The following IQGAP2 variants were observed in gnomAD, a reference collection of about 807,000 sequenced individuals.
IQGAP2 encodes ras GTPase-activating-like protein IQGAP2.
A neutral mutation model predicts 201.3 loss-of-function variants in IQGAP2; 173 were observed. The ratio of observed to expected loss-of-function variants is 0.86; its 90% confidence interval spans 0.76 to 0.98. The LOEUF (loss-of-function observed/expected upper bound fraction) is 0.98. IQGAP2 is among the 50% of genes least tolerant of loss of function. IQGAP2 has a pLI of 0.00. For missense variants in IQGAP2, 1,687 were observed against 1,864.8 expected (o/e 0.90, Z 1.76); for synonymous variants, 675 against 673.9 (o/e 1.00, Z -0.03).
At chr5:76,692,348 C>T (rs1029138862) in intron 30 of IQGAP2, among the ~76,000 whole-genome samples, 1 of 152,206 alleles carries the variant, frequency 6.6e-6, no homozygotes, top group African/African-American at 2.4e-5. Context: ...GATGGGGTTT[C>T]GCCATGTTGG....
intron 2 of IQGAP2, among the ~76,000 whole-genome samples, chr5:76,543,483 T>G (rs764432405): frequency 4.6e-5 from 7 of 152,198 alleles, no homozygotes; most frequent in African/African-American, 9.7e-5. Context: ...ATCACGGCCC[T>G]CCAGCATGTT....
intron 1 of IQGAP2, among the ~76,000 whole-genome samples, chr5:76,431,044 G>A (rs1471576261): frequency 6.6e-6 from 1 of 152,050 alleles, no homozygotes; most frequent in Non-Finnish European, 1.5e-5. Flanking sequence ...AAACATGTAT[G>A]CAATGATTCA....
At chr5:76,511,170 A>G (rs1339389595) in intron 2 of IQGAP2, among the ~76,000 whole-genome samples, 1 of 152,220 alleles carries the variant, frequency 6.6e-6, no homozygotes, top group East Asian at 1.9e-4. Flanking sequence ...CGATGGTTTA[A>G]ACAAACAAGT....
Position 76,404,392 on chromosome 5 carries a change from G to A in IQGAP2, c.46+801G>A, listed in dbSNP as rs1750683564. 4 of 874,564 alleles carry A rather than the reference G, an allele frequency of 4.6e-6. No homozygotes were observed. The South Asian group carries it at 2.1e-4, about 46-fold the overall frequency. 54.2% of individuals were successfully genotyped at this position (874,564 alleles called of 1,614,324 possible). The stretch of plus-strand genomic sequence containing the variant: ...CGTGGCTTCATGTGCAGAGTTCAGA[G>A]TCCTAAACATGTGCCAGGAAGCATT... On this transcript the variant is annotated intron_variant, in intron 1 of 35. Coordinates refer to ENST00000274364, the MANE Select transcript of IQGAP2 (RefSeq NM_006633.5).
chr5:76,599,694 A>G (rs1354462064), intron 10 of IQGAP2, among the ~76,000 whole-genome samples: 2 of 152,168 alleles, frequency 1.3e-5, no homozygotes, highest in African/African-American at 4.8e-5. Flanking sequence ...TTGCTGCGAG[A>G]CTTCTGTGGA....
At chr5:76,583,683 G>A (rs1210572547) in intron 5 of IQGAP2, among the ~76,000 whole-genome samples, 3 of 152,094 alleles carry the variant, frequency 2.0e-5, no homozygotes, top group African/African-American at 7.2e-5. Flanking sequence ...TTTGTTTATT[G>A]TAAGATTTAT....
At chr5:76,681,811 G>A (rs1340633220) in intron 28 of IQGAP2, among the ~76,000 whole-genome samples, 1 of 152,118 alleles carries the variant, frequency 6.6e-6, no homozygotes, top group Non-Finnish European at 1.5e-5. Context: ...GTTCATAGCA[G>A]CATTGTTCAC....
At chr5:76,513,259 C>T (rs112068000) in intron 2 of IQGAP2, among the ~76,000 whole-genome samples, 112 of 152,150 alleles carry the variant, frequency 7.4e-4, no homozygotes, top group African/African-American at 2.6e-3. Context: ...TTACAGCACT[C>T]CTTTGAGGAA....
At chr5:76,579,192 C>T (rs2150287849) in intron 5 of IQGAP2, among the ~76,000 whole-genome samples, 1 of 152,242 alleles carries the variant, frequency 6.6e-6, no homozygotes, top group South Asian at 2.1e-4. Flanking sequence ...ACAAGTTTCA[C>T]TCATTTTGTT....
intron 2 of IQGAP2, among the ~76,000 whole-genome samples, chr5:76,491,832 C>T (rs1756566583): frequency 6.6e-6 from 1 of 152,102 alleles, no homozygotes; most frequent in Non-Finnish European, 1.5e-5. Flanking sequence ...ACCTTAAATG[C>T]CCTGCATAAC....
At chr5:76,555,922 G>T (rs1743912718) in intron 2 of IQGAP2, among the ~76,000 whole-genome samples, 1 of 152,160 alleles carries the variant, frequency 6.6e-6, no homozygotes, top group South Asian at 2.1e-4. Context: ...CCAGTCACTT[G>T]GCACCTTACA....
intron 2 of IQGAP2, among the ~76,000 whole-genome samples, chr5:76,467,351 C>T (rs35801602): frequency 0.39 from 59,350 of 152,032 alleles, 12,472 homozygotes; most frequent in Middle Eastern, 0.47. Flanking sequence ...GACATGTCTC[C>T]AAAGAAGATA....
At position 76,665,168 on chromosome 5, in the gene IQGAP2, T is replaced by A. The variant is rs1318639492; in HGVS notation, c.2672T>A (p.Leu891His). Residue 891 changes from leucine to histidine, a missense_variant, in exon 22 of 36, where the codon CTT becomes CAT. Coordinates refer to ENST00000274364, the MANE Select transcript of IQGAP2 (RefSeq NM_006633.5). ...TLETYQQLFY[L>H]LQTNPLYLAK... ...GAAACATATCAGCAGCTGTTTTACC[T>A]TTTACAGGTGAGAACAATTTATCGT... 3 of 1,611,574 alleles carry A rather than the reference T, an allele frequency of 1.9e-6. No homozygotes were observed. The highest frequency in any genetic ancestry group is 2.5e-6 in the Non-Finnish European group (3 of 1,178,850).
At chr5:76,570,491 AGCATCCT>A in intron 3 of IQGAP2, 82 bp from the exon 4 acceptor site, 2 of 839,008 alleles carry the variant, frequency 2.4e-6, no homozygotes, top group South Asian at 2.9e-5. Flanking sequence ...ACAATTGAAA[AGCATCCT>A]GTACATGAAA....
intron 14 of IQGAP2, among the ~76,000 whole-genome samples, chr5:76,631,629 C>G (rs1304858716): frequency 6.6e-6 from 1 of 152,062 alleles, no homozygotes; most frequent in Non-Finnish European, 1.5e-5. Flanking sequence ...TATGAGTAAC[C>G]AGGAAAGACT....
At chr5:76,654,821 A>G in intron 19 of IQGAP2, 113 bp from the exon 20 acceptor site, 1 of 653,164 alleles carries the variant, frequency 1.5e-6, no homozygotes, top group South Asian at 2.0e-5. Context: ...AAATACTGTC[A>G]GTTCTAAGTA....
intron 1 of IQGAP2, among the ~76,000 whole-genome samples, chr5:76,442,210 T>A (rs1313128831): frequency 6.6e-6 from 1 of 152,212 alleles, no homozygotes; most frequent in Non-Finnish European, 1.5e-5. Flanking sequence ...AGAATATATA[T>A]GCATTCTGTT....
intron 2 of IQGAP2, among the ~76,000 whole-genome samples, chr5:76,552,436 C>T (rs1743624599): frequency 6.6e-6 from 1 of 152,176 alleles, no homozygotes; most frequent in Admixed American, 6.5e-5. Context: ...TTTAGCCTAA[C>T]AATTTTTTCT....
At chr5:76,514,441 C>T (rs1758182102) in intron 2 of IQGAP2, among the ~76,000 whole-genome samples, 1 of 152,160 alleles carries the variant, frequency 6.6e-6, no homozygotes, top group South Asian at 2.1e-4. Context: ...TTTTCTCTCT[C>T]CCATTCCAGC....
Sources: allele counts gnomAD v4.1 joint callset (sites outside exome capture counted in the v4.1 genomes callset), GRCh38; gene constraint gnomAD v4.1.1; transcripts MANE v1.5; gene names NCBI Gene and HGNC (gene_info 2026-07-23, HGNC 2026-07-21).